WDPCP: variants seen among roughly 807,000 people sequenced by gnomAD.
WDPCP encodes WD repeat containing planar cell polarity effector.
Under a neutral mutation model 93.1 loss-of-function variants are expected in WDPCP, and 71 were observed. The ratio of observed to expected loss-of-function variants is 0.76; its 90% confidence interval spans 0.63 to 0.93. WDPCP has a LOEUF of 0.93. Among genes scored for constraint, WDPCP ranks in the 40% least tolerant of loss-of-function variants. The pLI, the probability that WDPCP is intolerant of heterozygous loss-of-function variation, is 0.00. For synonymous variants in WDPCP, 315 were observed against 315.0 expected, an observed-to-expected ratio of 1.00 and a Z score of 0.00; for missense variants, 844 against 887.4, an observed-to-expected ratio of 0.95 and a Z score of 0.62.
chr2:63,743,199 T>C (rs1558899913), intron 2 of WDPCP, among the ~76,000 whole-genome samples: 1 of 152,082 alleles, frequency 6.6e-6, no homozygotes, highest in Non-Finnish European at 1.5e-5. Context: ...TCCAACAAAA[T>C]TTCAAACTAT....
At chr2:63,741,948 T>C (rs1669724336) in intron 2 of WDPCP, among the ~76,000 whole-genome samples, 1 of 152,136 alleles carries the variant, frequency 6.6e-6, no homozygotes. Flanking sequence ...TAAAGTTTAC[T>C]TCAGTTTAAC....
chr2:63,687,076 T>TA (rs35376272), intron 2 of WDPCP, among the ~76,000 whole-genome samples: 327 of 151,694 alleles, frequency 2.2e-3, no homozygotes, highest in Non-Finnish European at 3.3e-3. Context: ...GCTGATGAGC[T>TA]AAAAAAAATC....
At chr2:63,372,557 G>A (rs956132335) in intron 12 of WDPCP, among the ~76,000 whole-genome samples, 3 of 152,060 alleles carry the variant, frequency 2.0e-5, no homozygotes, top group Admixed American at 6.6e-5. Flanking sequence ...GTCTCCACTT[G>A]TTGGACTCTA....
At chr2:63,646,619 C>T (rs904544074) in intron 3 of WDPCP, among the ~76,000 whole-genome samples, 18 of 151,872 alleles carry the variant, frequency 1.2e-4, no homozygotes, top group African/African-American at 4.1e-4. Flanking sequence ...AGCTTTTGTT[C>T]GCTTGGTAAA....
intron 1 of WDPCP, among the ~76,000 whole-genome samples, chr2:63,525,557 T>C (rs1294052154): frequency 6.6e-6 from 1 of 152,208 alleles, no homozygotes; most frequent in African/African-American, 2.4e-5. Flanking sequence ...TTCATCCAAA[T>C]CCATTGTCTG....
At chr2:63,370,362 C>A (rs1232540785) in intron 12 of WDPCP, among the ~76,000 whole-genome samples, 1 of 152,234 alleles carries the variant, frequency 6.6e-6, no homozygotes, top group East Asian at 1.9e-4. Context: ...CCTTTTCATC[C>A]TTTCCCTAAC....
At chr2:63,473,410 T>C (rs1294116601) in intron 6 of WDPCP, among the ~76,000 whole-genome samples, 1 of 152,180 alleles carries the variant, frequency 6.6e-6, no homozygotes, top group Non-Finnish European at 1.5e-5. Context: ...ACCCTGTGGG[T>C]TGGTGTCTCC....
At chr2:63,421,115 A>G (rs1319430128) in intron 9 of WDPCP, among the ~76,000 whole-genome samples, 1 of 152,228 alleles carries the variant, frequency 6.6e-6, no homozygotes, top group Non-Finnish European at 1.5e-5. Flanking sequence ...TATCAATTAA[A>G]AACAAAATAG....
intron 2 of WDPCP, among the ~76,000 whole-genome samples, chr2:63,764,222 C>A (rs1440112343): frequency 6.6e-6 from 1 of 152,146 alleles, no homozygotes; most frequent in Non-Finnish European, 1.5e-5. Flanking sequence ...TCTGGCTCCA[C>A]ATAATAAGCA....
At chr2:63,637,702 T>C (rs1331733487) in intron 3 of WDPCP, among the ~76,000 whole-genome samples, 1 of 152,108 alleles carries the variant, frequency 6.6e-6, no homozygotes, top group Non-Finnish European at 1.5e-5. Context: ...TCACTAACCA[T>C]CAGGGAAATG....
At chr2:63,433,713 T>C in intron 9 of WDPCP, 32 bp downstream of exon 9, 1 of 1,545,796 alleles carries the variant, frequency 6.5e-7, no homozygotes, top group African/African-American at 1.4e-5. Context: ...ATTTACACTT[T>C]ATTAAAATGT....
chr2:63,183,638 A>G (rs1396172087), intron 14 of WDPCP, among the ~76,000 whole-genome samples: 1 of 152,096 alleles, frequency 6.6e-6, no homozygotes, highest in Non-Finnish European at 1.5e-5. Context: ...AATGTCTGTC[A>G]GGTACATTTG....
intron 3 of WDPCP, among the ~76,000 whole-genome samples, chr2:63,606,250 A>C (rs1024494876): frequency 1.2e-4 from 18 of 152,108 alleles, no homozygotes; most frequent in African/African-American, 3.6e-4. Context: ...GCATGGTGGC[A>C]CACATCTGTG....
chr2:63,560,480 A>G (rs1014496110), intron 1 of WDPCP, among the ~76,000 whole-genome samples: 1 of 152,192 alleles, frequency 6.6e-6, no homozygotes, highest in Non-Finnish European at 1.5e-5. Flanking sequence ...CCTGACAAAA[A>G]TAAGCAATGG....
intron 17 of WDPCP, among the ~76,000 whole-genome samples, chr2:63,151,526 G>A (rs1276184278): frequency 2.0e-5 from 3 of 152,114 alleles, no homozygotes; most frequent in African/African-American, 7.2e-5. Context: ...CCAGGATGTT[G>A]TTGTTGTTGT....
intron 12 of WDPCP, among the ~76,000 whole-genome samples, chr2:63,322,313 G>C (rs1687170079): frequency 2.0e-5 from 3 of 152,206 alleles, no homozygotes; most frequent in Non-Finnish European, 4.4e-5. Flanking sequence ...CCAGATAAGG[G>C]AATAAAAGCA....
intron 14 of WDPCP, among the ~76,000 whole-genome samples, chr2:63,187,925 GTCTTCATTTCT>G (rs1207105640): frequency 6.6e-6 from 1 of 152,096 alleles, no homozygotes; most frequent in Non-Finnish European, 1.5e-5. Context: ...ATCTGGAAAG[GTCTTCATTTCT>G]TCTTCATTTC....
At chr2:63,355,234 A>G (rs1689927648) in intron 12 of WDPCP, among the ~76,000 whole-genome samples, 1 of 152,222 alleles carries the variant, frequency 6.6e-6, no homozygotes, top group South Asian at 2.1e-4. Flanking sequence ...CCATCAGGCT[A>G]AGAGTGGACC....
intron 13 of WDPCP, among the ~76,000 whole-genome samples, chr2:63,284,022 G>A (rs1260236113): frequency 1.3e-5 from 2 of 151,846 alleles, no homozygotes; most frequent in African/African-American, 2.4e-5. Flanking sequence ...TAGATACTTG[G>A]AATGATATAA....
Sources: allele counts gnomAD v4.1 joint callset (sites outside exome capture counted in the v4.1 genomes callset), GRCh38; gene constraint gnomAD v4.1.1; transcripts MANE v1.5; gene names NCBI Gene and HGNC (gene_info 2026-07-23, HGNC 2026-07-21).